B4GALNT3: variants seen among roughly 807,000 people sequenced by gnomAD.
The protein encoded by B4GALNT3 is beta-1,4-N-acetyl-galactosaminyltransferase 3.
B4GALNT3 carries 86 observed loss-of-function variants against 120.2 expected under a neutral mutation model. The observed-to-expected ratio is 0.72, with a 90% CI of 0.60 to 0.86. The LOEUF (loss-of-function observed/expected upper bound fraction) is 0.86. B4GALNT3 is among the 40% of genes least tolerant of loss of function. The pLI, the probability that B4GALNT3 is intolerant of heterozygous loss-of-function variation, is 0.00. For synonymous variants in B4GALNT3, 518 were observed against 510.4 expected, an observed-to-expected ratio of 1.01 and a Z score of -0.20; for missense variants, 1,167 against 1,298.9, an observed-to-expected ratio of 0.90 and a Z score of 1.56.
intron 1 of B4GALNT3, among the ~76,000 whole-genome samples, chr12:490,921 T>C (rs1371853216): frequency 1.3e-5 from 2 of 152,214 alleles, no homozygotes; most frequent in African/African-American, 4.8e-5. Context: ...CAGGCCCAGA[T>C]GGGTCTGCAG....
At chr12:493,958 C>T (rs1458037794) in intron 1 of B4GALNT3, among the ~76,000 whole-genome samples, 2 of 152,152 alleles carry the variant, frequency 1.3e-5, no homozygotes, top group East Asian at 1.9e-4. Flanking sequence ...TTTTTAATGA[C>T]ATAGGTCATC....
At chr12:537,742 G>A (rs1221721536) in intron 3 of B4GALNT3, among the ~76,000 whole-genome samples, 1 of 152,098 alleles carries the variant, frequency 6.6e-6, no homozygotes, top group Non-Finnish European at 1.5e-5. Flanking sequence ...CTTTAGTCTC[G>A]AGGCCCTGCG....
At chr12:539,071 T>C (rs2302408) in intron 3 of B4GALNT3, among the ~76,000 whole-genome samples, 17,178 of 152,216 alleles carry the variant, frequency 0.11, 1,123 homozygotes, top group African/African-American at 0.18. Flanking sequence ...GACGATGGCC[T>C]CCTCTTTCAC....
At chr12:526,363 A>G (rs895659713) in intron 1 of B4GALNT3, among the ~76,000 whole-genome samples, 2 of 152,160 alleles carry the variant, frequency 1.3e-5, no homozygotes, top group African/African-American at 2.4e-5. Flanking sequence ...GGATTGCCCC[A>G]CATCTTCCGT....
At chr12:518,698 C>T (rs1946680855) in intron 1 of B4GALNT3, among the ~76,000 whole-genome samples, 1 of 152,232 alleles carries the variant, frequency 6.6e-6, no homozygotes, top group Non-Finnish European at 1.5e-5. Flanking sequence ...CTGTGCCCAG[C>T]CCCTCCCATA....
At chr12:492,434 G>C (rs553945245) in intron 1 of B4GALNT3, among the ~76,000 whole-genome samples, 109 of 152,206 alleles carry the variant, frequency 7.2e-4, no homozygotes, top group Non-Finnish European at 1.4e-3. Context: ...TCTAGATGAG[G>C]AAAACTACAA....
At chr12:470,126 C>T (rs892325559) in intron 1 of B4GALNT3, among the ~76,000 whole-genome samples, 4 of 152,168 alleles carry the variant, frequency 2.6e-5, no homozygotes, top group African/African-American at 7.2e-5. Context: ...TTGGAAGTTG[C>T]GCACGTCACT....
At chr12:464,355 G>A (rs909956613) in intron 1 of B4GALNT3, among the ~76,000 whole-genome samples, 45 of 152,110 alleles carry the variant, frequency 3.0e-4, no homozygotes, top group African/African-American at 1.0e-3. Context: ...AGAGGCCGGG[G>A]GTGGTGGCTC....
rs375218007 is a variant in B4GALNT3 at position 506,826 on chromosome 12, C to T, written c.170-28340C>T. Among the ~76,000 whole-genome samples the T allele has an allele frequency of 3.3e-4, 50 of 152,198 alleles. No individual in the cohort carries two copies. In the South Asian group the frequency reaches 6.2e-3, roughly 19 times the overall value. On this transcript the variant is annotated intron_variant, in intron 1 of 19. Transcript: ENST00000266383. The stretch of plus-strand genomic sequence containing the variant: ...TAATTTTTTGTATCTTTAGTAGAGA[C>T]GGGGTTTCACCGTGTTAGCCAGGAT...
chr12:535,111 G>A, intron 1 of B4GALNT3, 55 bp from the exon 2 acceptor site: 2 of 1,452,764 alleles, frequency 1.4e-6, no homozygotes, highest in South Asian at 1.2e-5. Context: ...TCTTTTAGGT[G>A]TATGAGGTTT....
intron 14 of B4GALNT3, among the ~76,000 whole-genome samples, chr12:554,608 G>A (rs1386642672): frequency 3.6e-4 from 54 of 148,154 alleles, no homozygotes; most frequent in African/African-American, 1.1e-3. Context: ...GGCTAACACG[G>A]TGAAACCCCG....
At position 460,514 on chromosome 12, in the gene B4GALNT3, G is replaced by A; in HGVS notation, c.138G>A (p.Ser46=). ...LWTLYLELVA[S]AQVGGNPLNR... is the part of the protein sequence containing the mutation. ...CTCTGTATCTGGAACTGGTGGCGTC[G>A]GCCCAGGTCGGCGGGAACCCCCTGA... Residue 46 remains serine, a synonymous_variant, in exon 1 of 20, where the codon TCG becomes TCA. Transcript: ENST00000266383. This position sits in a 1 kb window ranked among gnomAD's most constrained non-coding sequence, Gnocchi z 8.0. The A allele has an allele frequency of 6.4e-7, 1 of 1,557,574 alleles. No homozygotes were observed.
At chr12:530,638 CTT>C (rs1946797472) in intron 1 of B4GALNT3, among the ~76,000 whole-genome samples, 1 of 152,184 alleles carries the variant, frequency 6.6e-6, no homozygotes, top group Non-Finnish European at 1.5e-5. Flanking sequence ...GAGCGGATGA[CTT>C]TGCCTTTCTG....
At chr12:552,263 A>G (rs1592056103) in intron 12 of B4GALNT3, 100 bp downstream of exon 12, 2 of 1,067,316 alleles carry the variant, frequency 1.9e-6, no homozygotes, top group East Asian at 2.4e-5. Flanking sequence ...CCCCAGCCCA[A>G]AGTCTTTGCT....
intron 1 of B4GALNT3, among the ~76,000 whole-genome samples, chr12:495,455 G>A (rs10849108): frequency 0.26 from 39,750 of 152,062 alleles, 6,043 homozygotes; most frequent in South Asian, 0.47. Flanking sequence ...AGAAACAAAA[G>A]GGTCATCTAG....
Position 460,520 on chromosome 12 carries a change from G to C in B4GALNT3, c.144G>C (p.Gln48His), listed in dbSNP as rs11609193. The C allele has an allele frequency of 1.3e-6, 2 of 1,553,566 alleles. No homozygotes were observed. Among genetic ancestry groups the C allele is most frequent in the Non-Finnish European group, 1.7e-6 (2 of 1,148,026 alleles). ...TLYLELVASA[Q>H]VGGNPLNRRY... The stretch of plus-strand genomic sequence containing the variant: ...ATCTGGAACTGGTGGCGTCGGCCCA[G>C]GTCGGCGGGAACCCCCTGAACCGGA... Residue 48 changes from glutamine to histidine, a missense_variant, in exon 1 of 20, where the codon CAG (glutamine) becomes CAC (histidine). Coordinates refer to ENST00000266383, the MANE Select transcript of B4GALNT3 (RefSeq NM_173593.4). The surrounding 1 kb of genome is among the most constrained non-coding windows in gnomAD (Gnocchi z 8.0).
intron 1 of B4GALNT3, among the ~76,000 whole-genome samples, chr12:478,934 G>A (rs1946209799): frequency 6.6e-6 from 1 of 152,236 alleles, no homozygotes; most frequent in South Asian, 2.1e-4. Flanking sequence ...TATGGACAAT[G>A]GAAGTGGAAA....
Position 550,917 on chromosome 12 carries a change from C to A in B4GALNT3, c.998-5C>A, listed in dbSNP as rs754914848. ...CCCTCACTCCTCCTCCTCCACTGTC[C>A]TCAGTGCCTCTGATCCCCAAGTCGC... On this transcript the variant is annotated splice_region_variant and splice_polypyrimidine_tract_variant and intron_variant, in intron 10 of 19. Coordinates refer to ENST00000266383, the MANE Select transcript of B4GALNT3 (RefSeq NM_173593.4). The surrounding 1 kb of genome is among the most constrained non-coding windows in gnomAD (Gnocchi z 4.1). 3.1e-6 allele frequency: 5 copies of A among 1,606,012 alleles called. No homozygotes were observed. In the East Asian group the frequency reaches 8.9e-5, roughly 29 times the overall value.
intron 2 of B4GALNT3, 96 bp downstream of exon 2, chr12:535,365 G>A: frequency 2.0e-6 from 2 of 991,040 alleles, no homozygotes; most frequent in Non-Finnish European, 3.0e-6. Context: ...CTGCTACTCT[G>A]GGAGGAGAGG....
Sources: gnomAD v4.1 joint callset for allele counts (sites outside exome capture counted in the v4.1 genomes callset) on GRCh38, gnomAD v4.1.1 for gene constraint, Gnocchi (gnomAD v3.1) non-coding constraint, MANE v1.5 for transcripts, NCBI Gene and HGNC (gene_info 2026-07-23, HGNC 2026-07-21) for gene names.